The following ACOXL variants were observed in gnomAD, a reference collection of about 807,000 sequenced individuals.
The protein encoded by ACOXL is acyl-coenzyme A oxidase-like protein.
Under a neutral mutation model 71.9 loss-of-function variants are expected in ACOXL, and 70 were observed. The ratio of observed to expected loss-of-function variants is 0.97; its 90% CI spans 0.80 to 1.19. The LOEUF (loss-of-function observed/expected upper bound fraction) is 1.19, where lower values mean the gene tolerates loss of function less well. Among genes scored for constraint, ACOXL ranks in the 50% most tolerant of loss-of-function variants. The pLI, the probability that ACOXL is intolerant of heterozygous loss-of-function variation, is 0.00. For synonymous variants in ACOXL, 253 were observed against 281.6 expected (o/e 0.90, Z 1.02); for missense variants, 703 against 736.3 (o/e 0.95, Z 0.52).
chr2:110,963,398 C>A (rs1391570021), intron 12 of ACOXL, among the ~76,000 whole-genome samples: 2 of 152,024 alleles, frequency 1.3e-5, no homozygotes, highest in East Asian at 3.9e-4. Context: ...TTTACTACCA[C>A]CAAAATAATA....
chr2:110,746,846 C>G (rs1283888461), intron 1 of ACOXL, among the ~76,000 whole-genome samples: 1 of 148,892 alleles, frequency 6.7e-6, no homozygotes, highest in Admixed American at 6.7e-5. Flanking sequence ...TTCACCTGAA[C>G]CAAAAAAGTT....
intron 2 of ACOXL, among the ~76,000 whole-genome samples, chr2:110,771,333 A>G (rs557372873): frequency 5.9e-4 from 90 of 152,332 alleles, no homozygotes; most frequent in African/African-American, 2.0e-3. Flanking sequence ...CTGCCTCTTA[A>G]TAAAATGATT....
chr2:110,873,254 G>C (rs553787914), intron 10 of ACOXL, among the ~76,000 whole-genome samples: 1 of 152,236 alleles, frequency 6.6e-6, no homozygotes, highest in African/African-American at 2.4e-5. Flanking sequence ...CAGGGGGCTG[G>C]TGGATTGGGC....
At chr2:110,983,497 C>T (rs1184680801) in intron 12 of ACOXL, among the ~76,000 whole-genome samples, 1 of 152,128 alleles carries the variant, frequency 6.6e-6, no homozygotes, top group Non-Finnish European at 1.5e-5. Flanking sequence ...TTTGACTGCT[C>T]ACTCACCCTA....
rs1010529656 is a variant in ACOXL, at chr2:110,755,674, T to C, written c.-22-12694T>C. Among the ~76,000 whole-genome samples the C allele has an allele frequency of 4.3e-4, 65 of 152,220 alleles. 3 individuals carry two copies. The highest frequency in any genetic ancestry group is 8.8e-5 in the Non-Finnish European group (6 of 68,040). On this transcript the variant is annotated intron_variant, in intron 1 of 17. Transcript: ENST00000439055. ...CAGCTTTAATTTATTTATGAATTTGTTATGGCAGCAGTTCAAATGAGGAAC... is the reference window on the plus strand; with the variant it reads ...CAGCTTTAATTTATTTATGAATTTGCTATGGCAGCAGTTCAAATGAGGAAC...
chr2:110,751,675 A>G (rs1678981067), intron 1 of ACOXL, among the ~76,000 whole-genome samples: 1 of 152,300 alleles, frequency 6.6e-6, no homozygotes, highest in South Asian at 2.1e-4. Flanking sequence ...CCCTATCAAA[A>G]TACATAGAAC....
chr2:110,827,091 G>T (rs1689253744), intron 9 of ACOXL, among the ~76,000 whole-genome samples: 1 of 152,178 alleles, frequency 6.6e-6, no homozygotes, highest in Admixed American at 6.5e-5. Flanking sequence ...TTAAAGAAGA[G>T]AAATGAAAGA....
intron 12 of ACOXL, among the ~76,000 whole-genome samples, chr2:110,971,123 GACAA>G (rs1357347158): frequency 6.6e-5 from 10 of 152,158 alleles, no homozygotes; most frequent in African/African-American, 2.2e-4. Flanking sequence ...ACTCAACAGT[GACAA>G]ACAAACAATC....
intron 17 of ACOXL, chr2:111,100,763 C>T (rs2069095103): frequency 6.5e-6 from 1 of 152,716 alleles, no homozygotes; most frequent in Non-Finnish European, 1.5e-5. Flanking sequence ...GGAGCAGTTG[C>T]ATCAGCCAGC....
intron 14 of ACOXL, among the ~76,000 whole-genome samples, chr2:111,006,077 A>G (rs1439140024): frequency 1.3e-5 from 2 of 152,256 alleles, no homozygotes; most frequent in Non-Finnish European, 2.9e-5. Context: ...AGGAAATAAA[A>G]TTAGTAACCA....
intron 16 of ACOXL, among the ~76,000 whole-genome samples, chr2:111,084,062 C>T (rs1213861506): frequency 6.6e-6 from 1 of 152,004 alleles, no homozygotes; most frequent in Admixed American, 6.6e-5. Flanking sequence ...AGTGATGGCT[C>T]ATACCTGCAA....
intron 1 of ACOXL, among the ~76,000 whole-genome samples, chr2:110,735,924 T>C (rs1379360109): frequency 6.6e-6 from 1 of 152,084 alleles, no homozygotes; most frequent in Non-Finnish European, 1.5e-5. Context: ...AGCACACACC[T>C]CTCACCCGGA....
chr2:110,782,200 G>T, intron 2 of ACOXL, among the ~76,000 whole-genome samples: 1 of 152,114 alleles, frequency 6.6e-6, no homozygotes, highest in Non-Finnish European at 1.5e-5. Flanking sequence ...TAGAATTGCT[G>T]CAATTCTACT....
intron 15 of ACOXL, among the ~76,000 whole-genome samples, chr2:111,039,921 TC>T (rs1227367275): frequency 1.3e-5 from 2 of 152,224 alleles, no homozygotes; most frequent in Non-Finnish European, 2.9e-5. Context: ...TCAAAAATGT[TC>T]AGAACAGCTG....
intron 13 of ACOXL, among the ~76,000 whole-genome samples, chr2:110,993,003 C>T (rs1211452057): frequency 6.6e-6 from 1 of 152,222 alleles, no homozygotes; most frequent in East Asian, 1.9e-4. Flanking sequence ...ATATCACTAT[C>T]ATATCTATGG....
At chr2:110,770,754 G>A (rs1259167532) in intron 2 of ACOXL, among the ~76,000 whole-genome samples, 1 of 152,222 alleles carries the variant, frequency 6.6e-6, no homozygotes, top group Admixed American at 6.5e-5. Context: ...TCGGCATGGG[G>A]CTGGTTGGAA....
intron 11 of ACOXL, among the ~76,000 whole-genome samples, chr2:110,916,659 C>G (rs938335609): frequency 2.6e-5 from 4 of 152,024 alleles, no homozygotes; most frequent in African/African-American, 7.3e-5. Context: ...AGATAGACAG[C>G]TAGCCAGACT....
rs71383892 is a variant in ACOXL, at chr2:110,950,810, G to GGAGAGAGAGAGAGAGAGA, written c.1059+17176_1059+17193dup. ...ATCTTAAGGAGGAAGGGTGGGGGGTGGAGAGAGAGAGAGAGAGAGAGAGAG... is the reference window on the plus strand; with the variant it reads ...ATCTTAAGGAGGAAGGGTGGGGGGTGGAGAGAGAGAGAGAGAGAGAGAGAGAGAGAGAGAGAGAGAGAG... On this transcript the variant is annotated intron_variant, in intron 12 of 17. Coordinates refer to ENST00000439055, the MANE Select transcript of ACOXL (RefSeq NM_001142807.4). Among the ~76,000 whole-genome samples, 370 of 142,834 alleles carry GGAGAGAGAGAGAGAGAGA rather than the reference G, an allele frequency of 2.6e-3. 6 individuals are homozygous for GGAGAGAGAGAGAGAGAGA. The highest frequency in any genetic ancestry group is 0.026 in the East Asian group (110 of 4,274). The allele number at this position is 142,834 out of a possible 152,430, so 93.7% of individuals were successfully genotyped here.
intron 7 of ACOXL, among the ~76,000 whole-genome samples, chr2:110,799,973 G>A (rs917880786): frequency 6.6e-6 from 1 of 152,200 alleles, no homozygotes; most frequent in African/African-American, 2.4e-5. Context: ...ATCAGCAGGA[G>A]TCTAAAAGTA....
Sources: gnomAD v4.1 joint callset for allele counts (sites outside exome capture counted in the v4.1 genomes callset) on GRCh38, gnomAD v4.1.1 for gene constraint, MANE v1.5 for transcripts, NCBI Gene and HGNC (gene_info 2026-07-23, HGNC 2026-07-21) for gene names.